TBX15: variants seen among roughly 807,000 people sequenced by gnomAD.
The protein encoded by TBX15 is T-box transcription factor TBX15.
A neutral mutation model predicts 53.9 loss-of-function variants in TBX15; 18 were observed. The observed-to-expected ratio is 0.33, with a 90% CI of 0.23 to 0.49. TBX15 has a LOEUF of 0.49. Among genes scored for constraint, TBX15 ranks in the 20% least tolerant of loss-of-function variants. The pLI is 0.98. For synonymous variants in TBX15, 295 were observed against 278.0 expected, an observed-to-expected ratio of 1.06 and a Z score of -0.61; for missense variants, 692 against 749.5, an observed-to-expected ratio of 0.92 and a Z score of 0.90.
intron 1 of TBX15, among the ~76,000 whole-genome samples, chr1:118,950,058 C>A (rs1033170737): frequency 6.6e-6 from 1 of 152,174 alleles, no homozygotes; most frequent in Non-Finnish European, 1.5e-5. Flanking sequence ...AAACCAGCTC[C>A]TAGCATGGGC....
chr1:118,974,141 C>G (rs763117929), intron 1 of TBX15, among the ~76,000 whole-genome samples: 39 of 152,224 alleles, frequency 2.6e-4, no homozygotes, highest in Non-Finnish European at 3.8e-4. Context: ...GTGTTCATCT[C>G]ATCCTCTGCC....
chr1:118,922,416 A>G (rs1200838131), intron 5 of TBX15, among the ~76,000 whole-genome samples: 3 of 152,182 alleles, frequency 2.0e-5, no homozygotes, highest in Non-Finnish European at 1.5e-5. Context: ...CCACGGAGCA[A>G]TGTAGGCTGA....
Position 118,884,377 on chromosome 1 carries a change from G to A in TBX15, c.*355C>T, listed in dbSNP as rs995317044. The A allele has an allele frequency of 8.6e-6, 3 of 348,526 alleles. No individual in the cohort carries two copies. The highest frequency in any genetic ancestry group is 1.6e-5 in the Non-Finnish European group (3 of 184,862). 21.6% of individuals were successfully genotyped at this position (348,526 alleles called of 1,614,324 possible). On this transcript the variant is annotated 3_prime_UTR_variant, in exon 8 of 8. Coordinates refer to ENST00000369429, the MANE Select transcript of TBX15 (RefSeq NM_001330677.2). ...GTATAGGTAGGTCTGTCTGTATGTGGGTGTGTATGTGTAACTTTTCATGGC... is the reference window on the plus strand; with the variant it reads ...GTATAGGTAGGTCTGTCTGTATGTGAGTGTGTATGTGTAACTTTTCATGGC...
rs141546823 is a variant in TBX15 at position 118,954,671 on chromosome 1, C to T, written c.206-22839G>A. Among the ~76,000 whole-genome samples, 604 of 152,278 alleles carry T rather than the reference C, an allele frequency of 4.0e-3. 1 individual carries two copies. The highest frequency in any genetic ancestry group is 5.9e-3 in the Non-Finnish European group (403 of 68,022). On this transcript the variant is annotated intron_variant, in intron 1 of 7. Coordinates refer to ENST00000369429, the MANE Select transcript of TBX15 (RefSeq NM_001330677.2). ...AATAGCAAGGGAGCTCAACTGCTTT[C>T]GGGAAAATCTGACCCTTTAAATTAA...
chr1:118,925,760 C>A (rs73007566), intron 3 of TBX15, among the ~76,000 whole-genome samples: 1,848 of 152,308 alleles, frequency 0.012, 44 homozygotes, highest in African/African-American at 0.042. Context: ...TCTCTCTCCC[C>A]ACTTGCCATA....
At chr1:118,893,485 G>GGAAAGAAAAGAAAGAAA (rs1553218198) in intron 7 of TBX15, among the ~76,000 whole-genome samples, 14 of 72,122 alleles carry the variant, frequency 1.9e-4, no homozygotes, top group African/African-American at 1.2e-3. Flanking sequence ...AAGGAAGGAA[G>GGAAAGAAAAGAAAGAAA]GAAAGAAAGA....
intron 1 of TBX15, among the ~76,000 whole-genome samples, chr1:118,949,861 G>A (rs1656461045): frequency 6.6e-6 from 1 of 151,970 alleles, no homozygotes; most frequent in South Asian, 2.1e-4. Flanking sequence ...GTTGTCTCTG[G>A]ATCTCTCAGT....
intron 7 of TBX15, among the ~76,000 whole-genome samples, chr1:118,890,312 T>G (rs1260557021): frequency 6.6e-6 from 1 of 152,138 alleles, no homozygotes. Flanking sequence ...AAAGTGGGAT[T>G]GACAGAACAC....
intron 2 of TBX15, 55 bp from the exon 3 acceptor site, chr1:118,926,666 G>A: frequency 1.4e-6 from 2 of 1,455,914 alleles, no homozygotes; most frequent in Non-Finnish European, 1.9e-6. Flanking sequence ...GAAGTAGCAG[G>A]GGTAAAAGCT....
rs1657915562 is a variant in TBX15 at position 118,988,318 on chromosome 1, C to G, written c.-523G>C. 1 of 153,800 alleles carries G rather than the reference C, an allele frequency of 6.5e-6. No homozygotes were observed. The highest frequency in any genetic ancestry group is 1.4e-5 in the Non-Finnish European group (1 of 69,446). The allele number at this position is 153,800 out of a possible 1,614,324, so 9.5% of individuals were successfully genotyped here. On this transcript the variant is annotated 5_prime_UTR_variant, in exon 1 of 8. Transcript: ENST00000369429. ...CAGGGGGCAGGCGGTGCGCTCCTGT[C>G]CGAGGGGTGAGGGAGAGGGAGGGGG...
intron 6 of TBX15, among the ~76,000 whole-genome samples, chr1:118,911,786 C>A (rs1326285645): frequency 6.6e-6 from 1 of 152,194 alleles, no homozygotes; most frequent in Non-Finnish European, 1.5e-5. Flanking sequence ...ACATGCCTGG[C>A]ACACGTCTGT....
chr1:118,957,345 G>A (rs141667545), intron 1 of TBX15, among the ~76,000 whole-genome samples: 8 of 152,280 alleles, frequency 5.3e-5, no homozygotes, highest in African/African-American at 1.4e-4. Flanking sequence ...CCCAGATCCA[G>A]GAGCTGGGTT....
At chr1:118,928,950 T>C (rs1036321630) in intron 2 of TBX15, among the ~76,000 whole-genome samples, 1 of 152,210 alleles carries the variant, frequency 6.6e-6, no homozygotes, top group Non-Finnish European at 1.5e-5. Context: ...ACCTTTGAAT[T>C]CTCTTCTTAA....
At chr1:118,984,622 A>G (rs1218138174) in intron 1 of TBX15, among the ~76,000 whole-genome samples, 1 of 152,218 alleles carries the variant, frequency 6.6e-6, no homozygotes, top group African/African-American at 2.4e-5. Flanking sequence ...CTCGAGAGCC[A>G]GGCTCCTCCG....
At chr1:118,949,507 A>C (rs974969669) in intron 1 of TBX15, among the ~76,000 whole-genome samples, 1 of 152,250 alleles carries the variant, frequency 6.6e-6, no homozygotes, top group Non-Finnish European at 1.5e-5. Flanking sequence ...AAAACCATCC[A>C]GTCCTGGTGA....
At chr1:118,947,710 C>T (rs1656390430) in intron 1 of TBX15, among the ~76,000 whole-genome samples, 1 of 152,142 alleles carries the variant, frequency 6.6e-6, no homozygotes, top group Admixed American at 6.5e-5. Context: ...GCTCTAAATA[C>T]CATGCTTAAT....
At chr1:118,922,746 A>G (rs1655464581) in intron 5 of TBX15, among the ~76,000 whole-genome samples, 1 of 152,186 alleles carries the variant, frequency 6.6e-6, no homozygotes, top group Non-Finnish European at 1.5e-5. Context: ...TCAGAAACCC[A>G]TGCTTAGTCC....
intron 2 of TBX15, among the ~76,000 whole-genome samples, chr1:118,929,725 T>C (rs1019088444): frequency 3.3e-5 from 5 of 152,102 alleles, no homozygotes; most frequent in Admixed American, 1.3e-4. Context: ...GTCAAGGAGA[T>C]GCTCAAATGA....
intron 6 of TBX15, among the ~76,000 whole-genome samples, chr1:118,911,514 C>T (rs190076932): frequency 3.5e-4 from 54 of 152,290 alleles, no homozygotes; most frequent in African/African-American, 8.9e-4. Context: ...AGTAGAGGAA[C>T]GAGGGCCTCA....
Sources: allele counts gnomAD v4.1 joint callset (sites outside exome capture counted in the v4.1 genomes callset), GRCh38; gene constraint gnomAD v4.1.1; transcripts MANE v1.5; gene names NCBI Gene and HGNC (gene_info 2026-07-23, HGNC 2026-07-21).